MAP3K13: variants seen among roughly 807,000 people sequenced by gnomAD.
MAP3K13 encodes the protein leucine zipper-bearing kinase.
A neutral mutation model predicts 104.0 loss-of-function variants in MAP3K13; 52 were observed. That is an observed-to-expected ratio of 0.50 (90% CI 0.40 to 0.63). The LOEUF (loss-of-function observed/expected upper bound fraction) is 0.63, where lower values mean the gene tolerates loss of function less well. MAP3K13 is among the 20% of genes least tolerant of loss of function. MAP3K13 has a pLI of 0.00. For synonymous variants in MAP3K13, 394 were observed against 442.2 expected (o/e 0.89, Z 1.37); for missense variants, 914 against 1,218.5 (o/e 0.75, Z 3.72).
At chr3:185,476,098 C>T (rs57070032) in intron 11 of MAP3K13, among the ~76,000 whole-genome samples, 3 of 151,818 alleles carry the variant, frequency 2.0e-5, no homozygotes, top group Non-Finnish European at 4.4e-5. Flanking sequence ...AGAAAGAAAC[C>T]CCACACCCTT....
intron 2 of MAP3K13, among the ~76,000 whole-genome samples, chr3:185,317,248 C>T (rs1322895495): frequency 6.6e-6 from 1 of 152,122 alleles, no homozygotes; most frequent in African/African-American, 2.4e-5. Flanking sequence ...CTTTCGCCTT[C>T]TGAAAATGGG....
chr3:185,428,850 A>G lies in MAP3K13; in HGVS notation c.269A>G (p.His90Arg). ...AACAGCGTTCTTCAGCTAAGGGAAC[A>G]CGATGAATCAGAGACGGCGGTGTCT... ...FENSVLQLRE[H>R]DESETAVSQG... Residue 90 changes from histidine to arginine, a missense_variant, in exon 2 of 14, where the codon CAC (histidine) becomes CGC (arginine). His to Arg is a conservative substitution (Grantham distance 29, BLOSUM62 0). Transcript: ENST00000265026. 6.2e-7 allele frequency: 1 copy of G among 1,614,206 alleles called. No individual in the cohort carries two copies. Among genetic ancestry groups the G allele is most frequent in the African/African-American group, 1.3e-5 (1 of 75,062 alleles).
In MAP3K13 at chr3:185,447,960, A is replaced by T. The variant is rs1560111526; in HGVS notation, c.1010+13A>T. 6.3e-7 allele frequency: 1 copy of T among 1,598,266 alleles called. No homozygotes were observed. Among genetic ancestry groups the T allele is most frequent in the East Asian group, 2.2e-5 (1 of 44,594 alleles). ...AAGTTGATATATGGTGAGTGGCGCCACCAGTTGTGCCAACTAAAAAGCCTT... is the reference window on the plus strand; with the variant it reads ...AAGTTGATATATGGTGAGTGGCGCCTCCAGTTGTGCCAACTAAAAAGCCTT... On this transcript the variant is annotated intron_variant, in intron 5 of 13. Transcript: ENST00000265026.
intron 7 of MAP3K13, among the ~76,000 whole-genome samples, chr3:185,454,487 T>G (rs1434914535): frequency 2.0e-3 from 211 of 107,770 alleles, no homozygotes; most frequent in African/African-American, 2.4e-3. Context: ...ATATATATGA[T>G]ATATATACAT....
chr3:185,295,766 A>G (rs1577400673), intron 2 of MAP3K13, among the ~76,000 whole-genome samples: 1 of 152,282 alleles, frequency 6.6e-6, no homozygotes, highest in African/African-American at 2.4e-5. Context: ...TTACAAGACA[A>G]CCTTCAGGAG....
At chr3:185,412,742 A>G (rs975409062) in intron 1 of MAP3K13, among the ~76,000 whole-genome samples, 2 of 152,220 alleles carry the variant, frequency 1.3e-5, no homozygotes, top group African/African-American at 4.8e-5. Flanking sequence ...GGCTTTAGTT[A>G]CTGCTCTATT....
chr3:185,353,355 A>T (rs1723208781), intron 2 of MAP3K13, among the ~76,000 whole-genome samples: 2 of 152,240 alleles, frequency 1.3e-5, no homozygotes, highest in South Asian at 4.1e-4. Context: ...AAGTGACAGT[A>T]CAGAAAACGG....
intron 2 of MAP3K13, among the ~76,000 whole-genome samples, chr3:185,356,005 A>G (rs1410371335): frequency 1.3e-5 from 2 of 152,200 alleles, no homozygotes; most frequent in Non-Finnish European, 2.9e-5. Context: ...TTCAGAATTA[A>G]TGTATCTTAA....
intron 2 of MAP3K13, among the ~76,000 whole-genome samples, chr3:185,295,431 C>G (rs1271181526): frequency 6.6e-6 from 1 of 152,212 alleles, no homozygotes; most frequent in Non-Finnish European, 1.5e-5. Flanking sequence ...TCTTGAACTC[C>G]TGACCTCGTG....
At chr3:185,285,102 A>T (rs557805343) in intron 1 of MAP3K13, among the ~76,000 whole-genome samples, 1 of 152,288 alleles carries the variant, frequency 6.6e-6, no homozygotes, top group East Asian at 1.9e-4. Context: ...AAAATCTAAG[A>T]TGTTCTTAAA....
At chr3:185,458,177 T>C (rs1431133822) in intron 7 of MAP3K13, among the ~76,000 whole-genome samples, 1 of 152,058 alleles carries the variant, frequency 6.6e-6, no homozygotes, top group Non-Finnish European at 1.5e-5. Context: ...AAGACCAGTC[T>C]GGGCAACATG....
At chr3:185,479,855 G>GCC (rs1219442349) in intron 12 of MAP3K13, among the ~76,000 whole-genome samples, 2 of 152,100 alleles carry the variant, frequency 1.3e-5, no homozygotes, top group Admixed American at 1.3e-4. Flanking sequence ...CATGGTCTTT[G>GCC]CCCCGCACAT....
At chr3:185,373,314 A>G (rs1163987175) in intron 1 of MAP3K13, among the ~76,000 whole-genome samples, 2 of 152,180 alleles carry the variant, frequency 1.3e-5, no homozygotes, top group East Asian at 1.9e-4. Flanking sequence ...AGATTCTCCT[A>G]TTTTTGTATG....
intron 1 of MAP3K13, among the ~76,000 whole-genome samples, chr3:185,365,719 T>C (rs1212337843): frequency 2.6e-5 from 4 of 152,022 alleles, no homozygotes; most frequent in African/African-American, 2.4e-5. Flanking sequence ...TGTAAGAATA[T>C]GGGGGAGAAA....
In MAP3K13 at chr3:185,466,658, T is replaced by C. The variant is rs551783256; in HGVS notation, c.1506-168T>C. 1.3e-5 allele frequency among the ~76,000 whole-genome samples: 2 copies of C among 152,300 alleles called. 1 individual carries two copies. Among genetic ancestry groups the C allele is most frequent in the South Asian group, 4.1e-4 (2 of 4,824 alleles). On this transcript the variant is annotated intron_variant, in intron 9 of 13. Coordinates refer to ENST00000265026, the MANE Select transcript of MAP3K13 (RefSeq NM_004721.5). ...TCCCAAAGTGCTGGGATTACATGCCTGAGCCACCGAGCCCGGCTGTTTGTT... is the reference window on the plus strand; with the variant it reads ...TCCCAAAGTGCTGGGATTACATGCCCGAGCCACCGAGCCCGGCTGTTTGTT...
rs970418563 is a variant in MAP3K13 at position 185,417,976 on chromosome 3, C to T, written c.-85-10521C>T. 3.7e-5 allele frequency: 60 copies of T among 1,609,820 alleles called. 1 individual carries two copies. The highest frequency in any genetic ancestry group is 3.1e-5 in the Non-Finnish European group (36 of 1,177,884). ...GTTACTCTTGAGGGAAGCGGCTTTA[C>T]GCCAAGTGCCATACAATTCATCTAA... On this transcript the variant is annotated intron_variant, in intron 1 of 13. Coordinates refer to ENST00000265026, the MANE Select transcript of MAP3K13 (RefSeq NM_004721.5).
intron 1 of MAP3K13, among the ~76,000 whole-genome samples, chr3:185,386,288 A>G (rs1711682926): frequency 6.6e-6 from 1 of 152,222 alleles, no homozygotes; most frequent in Non-Finnish European, 1.5e-5. Flanking sequence ...GAAGACATAC[A>G]TGTGGCCAAC....
At chr3:185,367,739 A>G (rs1356273790) in intron 1 of MAP3K13, among the ~76,000 whole-genome samples, 1 of 152,028 alleles carries the variant, frequency 6.6e-6, no homozygotes, top group Non-Finnish European at 1.5e-5. Context: ...GGGCCCACAG[A>G]CACATGCCAC....
chr3:185,471,580 C>G (rs1456675507), intron 10 of MAP3K13, among the ~76,000 whole-genome samples: 1 of 151,446 alleles, frequency 6.6e-6, no homozygotes, highest in Non-Finnish European at 1.5e-5. Context: ...CTGCCTCAGC[C>G]CCCTGAGTAG....
Sources: allele counts gnomAD v4.1 joint callset (sites outside exome capture counted in the v4.1 genomes callset), GRCh38; gene constraint gnomAD v4.1.1; transcripts MANE v1.5; gene names NCBI Gene and HGNC (gene_info 2026-07-23, HGNC 2026-07-21).